ANKS1A: variants seen among roughly 807,000 people sequenced by gnomAD.
ANKS1A encodes ankyrin repeat and sterile alpha motif domain containing 1A.
ANKS1A carries 55 observed loss-of-function variants against 120.3 expected under a neutral mutation model. The observed-to-expected ratio is 0.46, with a 90% CI of 0.37 to 0.57. The LOEUF is 0.57. Ranked by LOEUF, ANKS1A falls within the 20% of genes least tolerant of loss-of-function variation. The pLI, the probability that ANKS1A is intolerant of heterozygous loss-of-function variation, is 0.00. For synonymous variants in ANKS1A, 590 were observed against 604.7 expected, an observed-to-expected ratio of 0.98 and a Z score of 0.36; for missense variants, 1,123 against 1,480.3, an observed-to-expected ratio of 0.76 and a Z score of 3.96.
At chr6:34,910,013 C>T (rs1236503220) in intron 1 of ANKS1A, among the ~76,000 whole-genome samples, 1 of 151,900 alleles carries the variant, frequency 6.6e-6, no homozygotes, top group Admixed American at 6.6e-5. Flanking sequence ...GGTGAGATGC[C>T]CATGTAAAGG....
At chr6:35,019,271 G>C (rs1025199607) in intron 11 of ANKS1A, among the ~76,000 whole-genome samples, 1 of 152,148 alleles carries the variant, frequency 6.6e-6, no homozygotes, top group African/African-American at 2.4e-5. Flanking sequence ...ATAATTTCAA[G>C]AACTCCATTT....
Position 34,985,165 on chromosome 6 carries a change from A to G in ANKS1A, c.1096A>G (p.Asn366Asp), listed in dbSNP as rs1239272721. The G allele has an allele frequency of 6.2e-7, 1 of 1,614,094 alleles. No individual in the cohort carries two copies. Among genetic ancestry groups the G allele is most frequent in the East Asian group, 2.2e-5 (1 of 44,896 alleles). The change falls in exon 8 of 24, where the codon AAT (asparagine) becomes GAT (aspartate). Residue 366 changes from asparagine (N) to aspartate (D), a missense_variant. Around this residue, in one of 3 missense-constraint regions of ANKS1A, gnomAD observed 904 missense variants for 1,130.4 expected, o/e 0.80. Transcript: ENST00000360359. Reference protein sequence around the residue: ...EEEGPYEALYNAISCHSLDSM... With the variant: ...EEEGPYEALYDAISCHSLDSM... ...AGAGGGTCCCTACGAAGCTCTGTAT[A>G]ATGCCATCTCCTGCCATTCGTTGGA...
chr6:34,910,772 A>G (rs961085837), intron 1 of ANKS1A, among the ~76,000 whole-genome samples: 2 of 151,130 alleles, frequency 1.3e-5, no homozygotes, highest in Non-Finnish European at 3.0e-5. Context: ...GAAACAGGAG[A>G]ATCACTTGAA....
chr6:35,096,024 G>T (rs1339372839), downstream of ANKS1A, among the ~76,000 whole-genome samples: 1 of 152,118 alleles, frequency 6.6e-6, no homozygotes, highest in African/African-American at 2.4e-5. Flanking sequence ...TTATTAGAGG[G>T]CCTCACTCCA....
intron 1 of ANKS1A, among the ~76,000 whole-genome samples, chr6:34,952,239 T>C (rs923300658): frequency 1.3e-5 from 2 of 152,216 alleles, no homozygotes; most frequent in Non-Finnish European, 2.9e-5. Flanking sequence ...ACTTGGCCCA[T>C]AGTAAACATT....
rs774729048 is a variant in ANKS1A, at chr6:34,996,706, C to T, written c.1423+2284C>T. 7.2e-4 allele frequency among the ~76,000 whole-genome samples: 109 copies of T among 152,258 alleles called. 2 individuals are homozygous for T. Among genetic ancestry groups the T allele is most frequent in the Non-Finnish European group, 4.9e-4 (33 of 67,998 alleles). ...CAGGATGGTCTCGATCTCTTGACCT[C>T]GTGATCCACCTGCCTTGGCCTCCCA... On this transcript the variant is annotated intron_variant, in intron 10 of 23. Transcript: ENST00000360359.
At chr6:35,002,242 C>T (rs956105969) in intron 10 of ANKS1A, among the ~76,000 whole-genome samples, 4 of 152,032 alleles carry the variant, frequency 2.6e-5, no homozygotes, top group Admixed American at 1.3e-4. Flanking sequence ...GCCCAACCTC[C>T]GAGACCATCC....
In ANKS1A at chr6:35,083,185, C is replaced by T. The variant is rs1300740333; in HGVS notation, c.2866C>T (p.Arg956Ter). 2 of 1,614,112 alleles carry T rather than the reference C, an allele frequency of 1.2e-6. No homozygotes were observed. Among genetic ancestry groups the T allele is most frequent in the Non-Finnish European group, 1.7e-6 (2 of 1,180,024 alleles). ...GGGCTCCATGCTGATCAAAGATCTG[C>T]GAGGGACAGAATCCACGCAAGACGC... Reference protein sequence around the residue: ...YLGSMLIKDLRGTESTQDACA... With the variant: ...YLGSMLIKDL Residue 956 changes from arginine to a stop codon, truncating the protein, a stop_gained, in exon 19 of 24, where the codon CGA becomes TGA. Transcript: ENST00000360359. LOFTEE classifies it high-confidence loss of function.
intron 13 of ANKS1A, among the ~76,000 whole-genome samples, 153 bp from the exon 14 acceptor site, chr6:35,078,405 C>T (rs890448473): frequency 5.3e-5 from 8 of 152,160 alleles, no homozygotes; most frequent in African/African-American, 9.7e-5. Flanking sequence ...CCCGGATGGA[C>T]GTGGGCAGTC....
At chr6:34,906,420 A>G (rs559118451) in intron 1 of ANKS1A, among the ~76,000 whole-genome samples, 1 of 152,322 alleles carries the variant, frequency 6.6e-6, no homozygotes, top group South Asian at 2.1e-4. Flanking sequence ...ATCAGCAAAT[A>G]CTAATTAGTG....
chr6:34,989,353 T>C (rs1188193795), intron 9 of ANKS1A, 37 bp downstream of exon 9: 1 of 1,588,330 alleles, frequency 6.3e-7, no homozygotes, highest in African/African-American at 1.4e-5. Flanking sequence ...TTGCTGAAAT[T>C]TGAGTTTGTT....
intron 1 of ANKS1A, among the ~76,000 whole-genome samples, chr6:34,903,683 T>A (rs567958656): frequency 6.6e-6 from 1 of 152,144 alleles, no homozygotes; most frequent in Non-Finnish European, 1.5e-5. Flanking sequence ...TCGTTTGTTT[T>A]GTTTTTGTAT....
intron 13 of ANKS1A, among the ~76,000 whole-genome samples, chr6:35,072,358 A>C (rs1777125870): frequency 6.6e-6 from 1 of 152,262 alleles, no homozygotes; most frequent in South Asian, 2.1e-4. Flanking sequence ...GCCCAGTGAC[A>C]GATACTCGCA....
At chr6:34,993,593 T>G (rs1440455536) in intron 9 of ANKS1A, among the ~76,000 whole-genome samples, 4 of 152,214 alleles carry the variant, frequency 2.6e-5, no homozygotes. Flanking sequence ...GGAATCCAGT[T>G]TTGGGGATAT....
intron 10 of ANKS1A, among the ~76,000 whole-genome samples, chr6:34,994,846 G>A (rs1381304246): frequency 6.6e-6 from 1 of 152,196 alleles, no homozygotes; most frequent in Non-Finnish European, 1.5e-5. Flanking sequence ...AGACACTCCT[G>A]GGGAGGGGCC....
chr6:34,973,858 GCC>G (rs1771312513), intron 3 of ANKS1A, among the ~76,000 whole-genome samples: 2 of 28,244 alleles, frequency 7.1e-5, no homozygotes, highest in Non-Finnish European at 1.3e-4. Context: ...CCTTCCCCTT[GCC>G]CTCCCCTTCC....
intron 10 of ANKS1A, among the ~76,000 whole-genome samples, chr6:34,995,083 G>A (rs1772778383): frequency 6.6e-6 from 1 of 152,250 alleles, no homozygotes. Flanking sequence ...TCCCACTGCA[G>A]TTTGAAGGAA....
At chr6:35,052,610 A>T (rs1314535921) in intron 11 of ANKS1A, among the ~76,000 whole-genome samples, 1 of 17,358 alleles carries the variant, frequency 5.8e-5, no homozygotes, top group South Asian at 6.1e-3. Flanking sequence ...CTTCTCTGTT[A>T]AAAAAAAAAA....
In ANKS1A at chr6:35,073,651, C is replaced by T. The variant is rs138476166; in HGVS notation, c.2185-4907C>T. On this transcript the variant is annotated intron_variant, in intron 13 of 23. Coordinates refer to ENST00000360359, the MANE Select transcript of ANKS1A (RefSeq NM_015245.3). ...TGAGACAATCCCTGTTAACTAAAAT[C>T]CCTAGGACAATGAACTGTTGTCCTT... is the stretch of plus-strand genomic sequence containing the variant. 4.0e-3 allele frequency among the ~76,000 whole-genome samples: 609 copies of T among 152,328 alleles called. 3 individuals carry two copies. The highest frequency in any genetic ancestry group is 0.013 in the African/African-American group (561 of 41,568).
Sources: allele counts gnomAD v4.1 joint callset (sites outside exome capture counted in the v4.1 genomes callset), GRCh38; gene constraint gnomAD v4.1.1; regional missense constraint gnomAD v4.1.1; transcripts MANE v1.5; gene names NCBI Gene and HGNC (gene_info 2026-07-23, HGNC 2026-07-21).